PBX3: variants seen among roughly 807,000 people sequenced by gnomAD.
PBX3 encodes PBX homeobox 3.
A neutral mutation model predicts 48.5 loss-of-function variants in PBX3; 14 were observed. The observed-to-expected ratio is 0.29, with a 90% CI of 0.19 to 0.45. The LOEUF is 0.45. PBX3 is among the 20% of genes least tolerant of loss of function. PBX3 has a pLI of 1.00. For synonymous variants in PBX3, 210 were observed against 200.3 expected, an observed-to-expected ratio of 1.05 and a Z score of -0.41; for missense variants, 386 against 546.7, an observed-to-expected ratio of 0.71 and a Z score of 2.93.
At chr9:125,961,459 T>C (rs1023712918) in intron 6 of PBX3, among the ~76,000 whole-genome samples, 26 of 152,210 alleles carry the variant, frequency 1.7e-4, no homozygotes, top group African/African-American at 5.5e-4. Context: ...AGAAATACTT[T>C]AAAATTTCAG....
intron 2 of PBX3, among the ~76,000 whole-genome samples, chr9:125,846,739 A>C (rs1424645468): frequency 6.6e-6 from 1 of 152,056 alleles, no homozygotes. Flanking sequence ...TCTTTAAAAA[A>C]CCATAAAATT....
In PBX3 at chr9:125,793,752, G is replaced by A. The variant is rs1354590141; in HGVS notation, c.274+45129G>A. Among the ~76,000 whole-genome samples the A allele has an allele frequency of 3.9e-5, 6 of 152,144 alleles. No homozygotes were observed. In the South Asian group the frequency reaches 8.3e-4, roughly 21 times the overall value. ...GTCAAAGTTGATAAGTTTTGACATA[G>A]GTAAATACCATCATTGCAGTTGGGA... On this transcript the variant is annotated intron_variant, in intron 2 of 8. Transcript: ENST00000373489.
intron 2 of PBX3, among the ~76,000 whole-genome samples, chr9:125,885,536 C>G (rs1408694072): frequency 2.6e-5 from 4 of 152,094 alleles, no homozygotes; most frequent in African/African-American, 9.7e-5. Context: ...GCAACACATT[C>G]ATTTTAATAT....
chr9:125,854,449 A>C (rs901059053), intron 2 of PBX3, among the ~76,000 whole-genome samples: 1 of 152,016 alleles, frequency 6.6e-6, no homozygotes, highest in Admixed American at 6.6e-5. Context: ...ATTTATTTTT[A>C]ATATTAAAAA....
intron 3 of PBX3, 26 bp from the exon 4 acceptor site, chr9:125,929,629 G>T: frequency 6.5e-7 from 1 of 1,549,636 alleles, no homozygotes; most frequent in East Asian, 2.3e-5. Context: ...AGTTTCCAAA[G>T]GAGTGATTTT....
At chr9:125,941,482 G>A (rs1841958173) in intron 5 of PBX3, among the ~76,000 whole-genome samples, 1 of 152,172 alleles carries the variant, frequency 6.6e-6, no homozygotes, top group African/African-American at 2.4e-5. Flanking sequence ...GCTATCAGTT[G>A]GGGTACACTT....
At position 125,883,176 on chromosome 9, in the gene PBX3, T is replaced by G. The variant is rs148694323; in HGVS notation, c.275-32510T>G. ...ATTCTGTTGTTAAAATGAATTCTAG[T>G]GTTTTAAAACATTCAAACACGGTAA... is the stretch of plus-strand genomic sequence containing the variant. On this transcript the variant is annotated intron_variant, in intron 2 of 8. Coordinates refer to ENST00000373489, the MANE Select transcript of PBX3 (RefSeq NM_006195.6). 2.4e-4 allele frequency among the ~76,000 whole-genome samples: 36 copies of G among 152,362 alleles called. No homozygotes were observed. The East Asian group carries it at 5.8e-3, about 24-fold the overall frequency.
At chr9:125,814,156 C>A (rs1369355991) in intron 2 of PBX3, among the ~76,000 whole-genome samples, 1 of 130,932 alleles carries the variant, frequency 7.6e-6, no homozygotes, top group African/African-American at 3.2e-5. Context: ...GAGTGAGACT[C>A]CATCTCAAAA....
At chr9:125,880,963 TG>T (rs937245842) in intron 2 of PBX3, among the ~76,000 whole-genome samples, 2 of 152,250 alleles carry the variant, frequency 1.3e-5, no homozygotes, top group Non-Finnish European at 2.9e-5. Flanking sequence ...TTAGGTGTAT[TG>T]TGCATTTTAC....
At chr9:125,888,164 T>A (rs1269486758) in intron 2 of PBX3, among the ~76,000 whole-genome samples, 2 of 152,108 alleles carry the variant, frequency 1.3e-5, no homozygotes, top group Admixed American at 1.3e-4. Flanking sequence ...GGTTATTCAT[T>A]TTTAAGAGAT....
intron 2 of PBX3, among the ~76,000 whole-genome samples, 195 bp from the exon 3 acceptor site, chr9:125,915,491 A>G (rs1163761079): frequency 6.6e-6 from 1 of 152,142 alleles, no homozygotes; most frequent in Non-Finnish European, 1.5e-5. Flanking sequence ...TCTAGGGTGC[A>G]TGTAAACACT....
chr9:125,898,126 T>C (rs924020521), intron 2 of PBX3, among the ~76,000 whole-genome samples: 19 of 151,792 alleles, frequency 1.3e-4, no homozygotes, highest in Admixed American at 2.6e-4. Flanking sequence ...ACCTGTGGTC[T>C]CTTAGCTAGA....
At chr9:125,875,337 A>G (rs1840223853) in intron 2 of PBX3, among the ~76,000 whole-genome samples, 3 of 152,174 alleles carry the variant, frequency 2.0e-5, no homozygotes, top group Admixed American at 2.0e-4. Flanking sequence ...AGCAATTTTT[A>G]TGAATAATTT....
rs536388451 is a variant in PBX3 at position 125,860,475 on chromosome 9, T to C, written c.275-55211T>C. Among the ~76,000 whole-genome samples, 6 of 152,330 alleles carry C rather than the reference T, an allele frequency of 3.9e-5. No homozygotes were observed. In the South Asian group the frequency reaches 1.0e-3, roughly 26 times the overall value. On this transcript the variant is annotated intron_variant, in intron 2 of 8. Transcript: ENST00000373489. ...GTGAAGGGTAGTGCTGCAGTGATTGTATTTGGATAGTTGTAAAATCTAATG... is the reference window on the plus strand; with the variant it reads ...GTGAAGGGTAGTGCTGCAGTGATTGCATTTGGATAGTTGTAAAATCTAATG...
At chr9:125,872,056 A>C (rs1313285111) in intron 2 of PBX3, among the ~76,000 whole-genome samples, 3 of 152,242 alleles carry the variant, frequency 2.0e-5, no homozygotes, top group African/African-American at 4.8e-5. Flanking sequence ...ACCATTAAAA[A>C]AATTAGATTG....
At chr9:125,902,784 A>G (rs1487628632) in intron 2 of PBX3, among the ~76,000 whole-genome samples, 1 of 151,710 alleles carries the variant, frequency 6.6e-6, no homozygotes, top group African/African-American at 2.4e-5. Flanking sequence ...CGACGTGTTA[A>G]TTACTGTACA....
chr9:125,784,219 C>T (rs1170839600), intron 2 of PBX3, among the ~76,000 whole-genome samples: 1 of 152,144 alleles, frequency 6.6e-6, no homozygotes, highest in African/African-American at 2.4e-5. Context: ...ACCTCTGCCT[C>T]CCTGGTTCAA....
At chr9:125,954,392 A>C (rs920493581) in intron 5 of PBX3, among the ~76,000 whole-genome samples, 2 of 152,270 alleles carry the variant, frequency 1.3e-5, no homozygotes, top group Admixed American at 6.5e-5. Flanking sequence ...AAACAATTTT[A>C]AATTTTCAAT....
Position 125,789,354 on chromosome 9 carries a change from A to C in PBX3, c.274+40731A>C, listed in dbSNP as rs575700489. 9.8e-5 allele frequency among the ~76,000 whole-genome samples: 15 copies of C among 152,328 alleles called. 1 individual carries two copies. In the South Asian group the frequency reaches 2.9e-3, roughly 29 times the overall value. ...GTGCCACTGTGTTTAGTTTCTCACA[A>C]GATTTCAGTCAGGTGACAGTGGGCT... On this transcript the variant is annotated intron_variant, in intron 2 of 8. Transcript: ENST00000373489.
Sources: allele counts gnomAD v4.1 joint callset (sites outside exome capture counted in the v4.1 genomes callset), GRCh38; gene constraint gnomAD v4.1.1; transcripts MANE v1.5; gene names NCBI Gene and HGNC (gene_info 2026-07-23, HGNC 2026-07-21).